The following GDF5 variants were observed in gnomAD, a reference collection of about 807,000 sequenced individuals.
GDF5 encodes the protein growth differentiation factor 5.
In GDF5, 17 loss-of-function variants were observed where a neutral mutation model predicts 34.6. The observed-to-expected ratio is 0.49, with a 90% CI of 0.34 to 0.74. The LOEUF is 0.74. Ranked by LOEUF, GDF5 falls within the 30% of genes least tolerant of loss-of-function variation. The probability of loss-of-function intolerance (pLI) is 0.01; values close to 1 mark genes in which losing one functional copy is unlikely to be tolerated. For synonymous variants in GDF5, 332 were observed against 290.7 expected, an observed-to-expected ratio of 1.14 and a Z score of -1.44; for missense variants, 616 against 661.2, an observed-to-expected ratio of 0.93 and a Z score of 0.75.
upstream of GDF5, among the ~76,000 whole-genome samples, chr20:35,441,874 T>C (rs1324808390): frequency 1.3e-5 from 2 of 152,184 alleles, no homozygotes; most frequent in African/African-American, 2.4e-5. Context: ...GTTTTCATTG[T>C]TGTTTTTTGA....
chr20:35,447,866 G>A (rs1483164612), intron 1 of GDF5, among the ~76,000 whole-genome samples: 1 of 152,100 alleles, frequency 6.6e-6, no homozygotes, highest in Non-Finnish European at 1.5e-5. Flanking sequence ...TGTAATCCCA[G>A]CACTTTGGGA....
upstream of GDF5, among the ~76,000 whole-genome samples, chr20:35,439,132 C>T (rs950614210): frequency 2.6e-5 from 4 of 151,872 alleles, no homozygotes; most frequent in Non-Finnish European, 5.9e-5. Context: ...ACCCCACCAC[C>T]ACCCCAGCAG....
chr20:35,447,257 A>C (rs1286542908), intron 1 of GDF5, among the ~76,000 whole-genome samples: 2 of 151,810 alleles, frequency 1.3e-5, no homozygotes, highest in Admixed American at 6.6e-5. Context: ...CCTGTGTCCA[A>C]GTGTTCTTAT....
intron 1 of GDF5, chr20:35,454,035 G>C (rs370388609): frequency 1.5e-5 from 8 of 533,878 alleles, no homozygotes; most frequent in Non-Finnish European, 2.7e-5. Context: ...GGATTCTCTG[G>C]GGGTGGAAAC....
chr20:35,449,989 T>C (rs1379500132), intron 1 of GDF5, among the ~76,000 whole-genome samples: 2 of 146,158 alleles, frequency 1.4e-5, no homozygotes, highest in Non-Finnish European at 3.0e-5. Context: ...ACCCTGTCTC[T>C]TAAAAAAAAA....
upstream of GDF5, among the ~76,000 whole-genome samples, chr20:35,438,718 T>A (rs2062486312): frequency 1.3e-5 from 2 of 151,982 alleles, no homozygotes; most frequent in African/African-American, 4.8e-5. Flanking sequence ...AGCTCAAAGA[T>A]CTTAAGCCCC....
At position 35,434,398 on chromosome 20, in the gene GDF5, T is replaced by C. The variant is rs224330; in HGVS notation, c.1017A>G (p.Lys339=). Residue 339 remains lysine, a synonymous_variant, in exon 2 of 2, where the codon AAA becomes AAG. Coordinates refer to ENST00000374369, the MANE Select transcript of GDF5 (RefSeq NM_000557.5). ...TGCGGCCAAACACCAGGAACAGGGCTTTCTCGTGGACCTGCCGGGCGGCGC... is the reference window on the plus strand; with the variant it reads ...TGCGGCCAAACACCAGGAACAGGGCCTTCTCGTGGACCTGCCGGGCGGCGC... The part of the protein sequence containing the change: ...FDRAARQVHE[K]ALFLVFGRTK... The C allele has an allele frequency of 0.93, 1,496,504 of 1,613,684 alleles. 696,211 individuals are homozygous for C. The highest frequency in any genetic ancestry group is 0.95 in the Admixed American group (57,228 of 60,032).
At chr20:35,438,822 TGC>T (rs1568734352), upstream of GDF5, among the ~76,000 whole-genome samples, 19 of 92,212 alleles carry the variant, frequency 2.1e-4, 1 homozygote, top group African/African-American at 6.0e-4. Flanking sequence ...TGATTTGTTA[TGC>T]GTGTGTGTGT....
In GDF5 at chr20:35,437,433, G is replaced by T. The variant is rs1485657392; in HGVS notation, c.496C>A (p.Pro166Thr). 6.2e-7 allele frequency: 1 copy of T among 1,613,752 alleles called. No homozygotes were observed. Among genetic ancestry groups the T allele is most frequent in the Non-Finnish European group, 8.5e-7 (1 of 1,179,772 alleles). ...AGCATGTACTCGTGGGGTGTGATGG[G>T]GGGTGGGCGAAACGGCTCCTTGGGC... ...REPKEPFRPP[P>T]ITPHEYMLSL... The change falls in exon 1 of 2, where the codon CCC becomes ACC. Residue 166 changes from proline to threonine, a missense_variant. Pro to Thr is a conservative substitution (Grantham distance 38, BLOSUM62 -1). Coordinates refer to ENST00000374369, the MANE Select transcript of GDF5 (RefSeq NM_000557.5).
intron 1 of GDF5, chr20:35,453,819 A>G: frequency 2.1e-6 from 1 of 470,470 alleles, no homozygotes; most frequent in Non-Finnish European, 4.4e-6. Flanking sequence ...CGAGCTATCC[A>G]CTCATTCACC....
At chr20:35,444,337 A>G (rs2062507382) in intron 1 of GDF5, among the ~76,000 whole-genome samples, 1 of 152,200 alleles carries the variant, frequency 6.6e-6, no homozygotes, top group South Asian at 2.1e-4. Flanking sequence ...TGAGGGGGTG[A>G]TGTTTGGGCA....
chr20:35,437,325 T>C lies in GDF5; in HGVS notation c.604A>G (p.Ile202Val). Residue 202 changes from isoleucine to valine, a missense_variant, in exon 1 of 2, where the codon ATC (isoleucine) becomes GTC (valine). By Grantham distance (29) the Ile-to-Val change is conservative. Coordinates refer to ENST00000374369, the MANE Select transcript of GDF5 (RefSeq NM_000557.5). ...TGCCCTTTGTCAATAAAGCTGGTGA[T>C]GGTGTTGGCCAGGCCAGCCTCCAAC... ...VKLEAGLANT[I>V]TSFIDKGQDD... 6.2e-7 allele frequency: 1 copy of C among 1,613,126 alleles called. No individual in the cohort carries two copies.
chr20:35,449,251 A>T (rs2062523234), intron 1 of GDF5, among the ~76,000 whole-genome samples: 1 of 150,860 alleles, frequency 6.6e-6, no homozygotes, highest in South Asian at 2.1e-4. Flanking sequence ...CTACAGCCAC[A>T]TGCCACCATG....
At chr20:35,442,869 A>T (rs2062502530), upstream of GDF5, among the ~76,000 whole-genome samples, 1 of 152,132 alleles carries the variant, frequency 6.6e-6, no homozygotes, top group Non-Finnish European at 1.5e-5. Context: ...TTAAAGATAA[A>T]TAAATTTAGG....
chr20:35,450,433 C>T (rs1449749538), intron 1 of GDF5, among the ~76,000 whole-genome samples: 1 of 152,018 alleles, frequency 6.6e-6, no homozygotes, highest in Non-Finnish European at 1.5e-5. Flanking sequence ...ATTTTTCCCT[C>T]TCTGTCATCC....
upstream of GDF5, among the ~76,000 whole-genome samples, chr20:35,442,130 C>T (rs1370066213): frequency 1.3e-5 from 2 of 152,020 alleles, no homozygotes; most frequent in African/African-American, 4.8e-5. Context: ...TGTGAATCAC[C>T]ACATGTGGCC....
chr20:35,434,908 C>A (rs1482355203), intron 1 of GDF5, 125 bp from the exon 2 acceptor site: 1 of 1,025,642 alleles, frequency 9.7e-7, no homozygotes, highest in South Asian at 1.3e-5. Context: ...CTGCCCCATT[C>A]TGACAGAAGC....
intron 1 of GDF5, among the ~76,000 whole-genome samples, chr20:35,453,523 C>A (rs1226261987): frequency 6.6e-6 from 1 of 152,148 alleles, no homozygotes; most frequent in Non-Finnish European, 1.5e-5. Flanking sequence ...AAGCACAATG[C>A]CTGTTGTGGG....
Position 35,434,389 on chromosome 20 carries a change from G to T in GDF5, c.1026C>A (p.Phe342Leu). ...GTTTCTTGGTGCGGCCAAACACCAG[G>T]AACAGGGCTTTCTCGTGGACCTGCC... ...AARQVHEKALFLVFGRTKKRD... is the reference protein window; with the variant it reads ...AARQVHEKALLLVFGRTKKRD... Residue 342 changes from phenylalanine to leucine, a missense_variant, in exon 2 of 2, where the codon TTC becomes TTA. Physicochemically the swap from Phe to Leu is conservative, Grantham distance 22. Coordinates refer to ENST00000374369, the MANE Select transcript of GDF5 (RefSeq NM_000557.5). The T allele has an allele frequency of 6.2e-7, 1 of 1,613,720 alleles. No homozygotes were observed. The highest frequency in any genetic ancestry group is 8.5e-7 in the Non-Finnish European group (1 of 1,179,984).
Sources: allele counts gnomAD v4.1 joint callset (sites outside exome capture counted in the v4.1 genomes callset), GRCh38; gene constraint gnomAD v4.1.1; transcripts MANE v1.5; gene names NCBI Gene and HGNC (gene_info 2026-07-23, HGNC 2026-07-21).